The following KLHL23 variants were observed in gnomAD, a reference collection of about 807,000 sequenced individuals.
The protein encoded by KLHL23 is kelch like family member 23.
A neutral mutation model predicts 48.9 loss-of-function variants in KLHL23; 33 were observed. The ratio of observed to expected loss-of-function variants is 0.67; its 90% confidence interval spans 0.51 to 0.90. KLHL23 has a LOEUF of 0.90. KLHL23 is among the 40% of genes least tolerant of loss of function. The pLI is 0.00. For synonymous variants in KLHL23, 234 were observed against 231.6 expected (o/e 1.01, Z -0.09); for missense variants, 608 against 669.6 (o/e 0.91, Z 1.02).
At chr2:169,737,672 TG>T (rs1688551681) in intron 2 of KLHL23, among the ~76,000 whole-genome samples, 1 of 151,638 alleles carries the variant, frequency 6.6e-6, no homozygotes, top group South Asian at 2.1e-4. Context: ...TGGAATGCAG[TG>T]GCGTGATCTT....
At position 169,735,934 on chromosome 2, in the gene KLHL23, A is replaced by C. The variant is rs1056123129; in HGVS notation, c.920A>C (p.Asp307Ala). ...NVWIQGAEIP[D>A]YTRESYGVTC... ...TGGATTCAGGGAGCAGAAATACCAG[A>C]TTATACCAGGGAGAGCTATGGTGTT... is the stretch of plus-strand genomic sequence containing the variant. Residue 307 changes from aspartate to alanine, a missense_variant, in exon 2 of 4, where the codon GAT becomes GCT. This residue lies in a region of KLHL23 where 419 missense variants were observed against 473.1 expected (regional missense o/e 0.89). Transcript: ENST00000392647. This position sits in a 1 kb window ranked among gnomAD's most constrained non-coding sequence, Gnocchi z 4.5. 2 of 1,614,054 alleles carry C rather than the reference A, an allele frequency of 1.2e-6. No homozygotes were observed. Among genetic ancestry groups the C allele is most frequent in the Non-Finnish European group, 1.7e-6 (2 of 1,180,056 alleles).
At chr2:169,737,595 C>T (rs73020383) in intron 2 of KLHL23, among the ~76,000 whole-genome samples, 23,909 of 151,556 alleles carry the variant, frequency 0.16, 1,921 homozygotes, top group Middle Eastern at 0.23. Flanking sequence ...TTTTGTGGTT[C>T]AGAGTATATT....
In KLHL23 at chr2:169,735,863, G is replaced by T; in HGVS notation, c.849G>T (p.Trp283Cys). ...TGTATATAATTGGAGGCTATTACTG[G>T]CATCCTTTATCAGAGGTTCACATAT... ...ATMYIIGGYY[W>C]HPLSEVHIWD... The change falls in exon 2 of 4, where the codon TGG becomes TGT. Residue 283 changes from tryptophan (W) to cysteine (C), a missense_variant. Around this residue, in one of 3 missense-constraint regions of KLHL23, gnomAD observed 419 missense variants for 473.1 expected, o/e 0.89. Transcript: ENST00000392647. This position sits in a 1 kb window ranked among gnomAD's most constrained non-coding sequence, Gnocchi z 4.5. 6.2e-7 allele frequency: 1 copy of T among 1,614,072 alleles called. No homozygotes were observed.
At position 169,736,030 on chromosome 2, in the gene KLHL23, T is replaced by G; in HGVS notation, c.1016T>G (p.Val339Gly). ...RTDNIEALDT[V>G]WIYNSESDEW... is the part of the protein sequence containing the mutation. ...GATAACATAGAAGCTCTTGACACAG[T>G]GTGGATCTATAACAGTGAAAGTGAT... The change falls in exon 2 of 4, where the codon GTG (valine) becomes GGG (glycine). Residue 339 changes from valine (V) to glycine (G), a missense_variant. Val to Gly is a moderately radical substitution (Grantham distance 109, BLOSUM62 -3). This residue lies in a region of KLHL23 where 419 missense variants were observed against 473.1 expected (regional missense o/e 0.89). Coordinates refer to ENST00000392647, the MANE Select transcript of KLHL23 (RefSeq NM_144711.6). 1 of 1,614,148 alleles carries G rather than the reference T, an allele frequency of 6.2e-7. No individual in the cohort carries two copies. Among genetic ancestry groups the G allele is most frequent in the Non-Finnish European group, 8.5e-7 (1 of 1,180,030 alleles).
chr2:169,733,885 G>C lies in KLHL23; in HGVS notation c.-205G>C, dbSNP rs1281187367. On this transcript the variant is annotated 5_prime_UTR_variant, in exon 1 of 4. Coordinates refer to ENST00000392647, the MANE Select transcript of KLHL23 (RefSeq NM_144711.6). ...GGGGAGTTCCCGCGAGTGGCCTCGC[G>C]CCCAGACCGTGCGGGGGGCTGTTCG... The C allele has an allele frequency of 1.3e-5, 2 of 152,220 alleles. No homozygotes were observed. Among genetic ancestry groups the C allele is most frequent in the Non-Finnish European group, 2.9e-5 (2 of 68,158 alleles). The allele number at this position is 152,220 out of a possible 1,614,324, so 9.4% of individuals were successfully genotyped here.
chr2:169,749,661 A>T lies in KLHL23; in HGVS notation c.1606A>T (p.Lys536Ter). The T allele has an allele frequency of 1.2e-6, 2 of 1,614,042 alleles. No individual in the cohort carries two copies. Among genetic ancestry groups the T allele is most frequent in the Non-Finnish European group, 1.7e-6 (2 of 1,179,964 alleles). The change falls in exon 4 of 4, where the codon AAG becomes TAG. Residue 536 changes from lysine (K) to a stop codon, truncating the protein, a stop_gained. Coordinates refer to ENST00000392647, the MANE Select transcript of KLHL23 (RefSeq NM_144711.6). LOFTEE classifies it high-confidence loss of function. ...SIEKYDPDLN[K>*]WEIVGNLPSA... ...TGAGAAATATGATCCAGATCTTAAT[A>T]AGTGGGAAATAGTGGGTAATCTTCC... is the stretch of plus-strand genomic sequence containing the variant.
At chr2:169,737,894 G>T (rs867848156) in intron 2 of KLHL23, among the ~76,000 whole-genome samples, 3 of 151,874 alleles carry the variant, frequency 2.0e-5, no homozygotes, top group Non-Finnish European at 4.4e-5. Context: ...GGATTACAAG[G>T]GTGGGTTCAG....
intron 1 of KLHL23, among the ~76,000 whole-genome samples, chr2:169,734,381 G>A (rs551240671): frequency 1.9e-3 from 288 of 149,352 alleles, no homozygotes; most frequent in African/African-American, 6.0e-3. Context: ...CTGGCCCCGG[G>A]GCGGGGCGGT....
intron 3 of KLHL23, among the ~76,000 whole-genome samples, 156 bp from the exon 4 acceptor site, chr2:169,749,266 C>T (rs892577327): frequency 6.6e-6 from 1 of 152,162 alleles, no homozygotes; most frequent in Non-Finnish European, 1.5e-5. Context: ...GATTTTCAGC[C>T]TCAGCGTTGC....
chr2:169,734,627 G>A (rs1688469046), intron 1 of KLHL23, among the ~76,000 whole-genome samples: 1 of 152,340 alleles, frequency 6.6e-6, no homozygotes, highest in Non-Finnish European at 1.5e-5. Context: ...CGAGCTTGGG[G>A]AAAAGGTTGA....
At chr2:169,737,894 G>C (rs867848156) in intron 2 of KLHL23, among the ~76,000 whole-genome samples, 35 of 151,874 alleles carry the variant, frequency 2.3e-4, no homozygotes, top group Middle Eastern at 6.8e-3. Context: ...GGATTACAAG[G>C]GTGGGTTCAG....
Position 169,749,525 on chromosome 2 carries a change from G to A in KLHL23, c.1470G>A (p.Glu490=). Residue 490 remains glutamate (E), a synonymous_variant, in exon 4 of 4, where the codon GAG becomes GAA. Coordinates refer to ENST00000392647, the MANE Select transcript of KLHL23 (RefSeq NM_144711.6). ...CYDPEQNEWR[E]IAPMMERRME... is the part of the protein sequence containing the mutation. ...ACCCTGAACAAAATGAATGGAGAGA[G>A]ATAGCTCCCATGATGGAAAGGAGGA... 1 of 1,614,108 alleles carries A rather than the reference G, an allele frequency of 6.2e-7. No homozygotes were observed. The highest frequency in any genetic ancestry group is 8.5e-7 in the Non-Finnish European group (1 of 1,180,024).
chr2:169,740,789 T>C (rs1276133860), intron 2 of KLHL23, among the ~76,000 whole-genome samples: 3 of 144,772 alleles, frequency 2.1e-5, no homozygotes, highest in African/African-American at 7.7e-5. Flanking sequence ...TATATATATA[T>C]ATAACTTATT....
At chr2:169,743,126 T>C (rs1252738055) in intron 3 of KLHL23, among the ~76,000 whole-genome samples, 1 of 152,222 alleles carries the variant, frequency 6.6e-6, no homozygotes, top group African/African-American at 2.4e-5. Flanking sequence ...AGAAGTTAGA[T>C]GTTACTCTGC....
At chr2:169,748,002 T>C (rs1348584505) in intron 3 of KLHL23, among the ~76,000 whole-genome samples, 3 of 152,178 alleles carry the variant, frequency 2.0e-5, no homozygotes, top group Non-Finnish European at 4.4e-5. Context: ...TGTGTACCTA[T>C]AGTCCCAGCT....
intron 2 of KLHL23, 50 bp downstream of exon 2, chr2:169,736,277 G>A (rs1291605339): frequency 3.3e-6 from 5 of 1,531,232 alleles, no homozygotes; most frequent in East Asian, 4.5e-5. Flanking sequence ...CTGGAGCTAG[G>A]CCAGCAGTCT....
chr2:169,736,860 C>T (rs1249476681), intron 2 of KLHL23, among the ~76,000 whole-genome samples: 2 of 152,200 alleles, frequency 1.3e-5, no homozygotes, highest in Non-Finnish European at 2.9e-5. Flanking sequence ...AGGAGTTGTA[C>T]AAAAACAACT....
In KLHL23 at chr2:169,735,476, A is replaced by G. The variant is rs770482935; in HGVS notation, c.462A>G (p.Leu154=). 15 of 1,613,968 alleles carry G rather than the reference A, an allele frequency of 9.3e-6. No individual in the cohort carries two copies. ...CAGAATTTCATGTGTGTCCAGAACTAGAGAAGGAATCTCGAAGAATTCTAT... is the reference window on the plus strand; with the variant it reads ...CAGAATTTCATGTGTGTCCAGAACTGGAGAAGGAATCTCGAAGAATTCTAT... ...SFAEFHVCPE[L]EKESRRILCS... The change falls in exon 2 of 4, where the codon CTA becomes CTG. Residue 154 remains leucine (L), a synonymous_variant. Coordinates refer to ENST00000392647, the MANE Select transcript of KLHL23 (RefSeq NM_144711.6). The surrounding 1 kb of genome is among the most constrained non-coding windows in gnomAD (Gnocchi z 4.5).
Position 169,749,690 on chromosome 2 carries a change from T to G in KLHL23, c.1635T>G (p.Ser545Arg), listed in dbSNP as rs1341623360. 2 of 1,612,590 alleles carry G rather than the reference T, an allele frequency of 1.2e-6. No homozygotes were observed. The highest frequency in any genetic ancestry group is 2.2e-5 in the South Asian group (2 of 91,044). The stretch of plus-strand genomic sequence containing the variant: ...GGGAAATAGTGGGTAATCTTCCCAG[T>G]GCCATGCGGTCTCATGGGTGTGTTT... ...NKWEIVGNLP[S>R]AMRSHGCVCV... Residue 545 changes from serine to arginine, a missense_variant, in exon 4 of 4, where the codon AGT becomes AGG. By Grantham distance (110) the Ser-to-Arg change is moderately radical. This residue lies in a region of KLHL23 where 179 missense variants were observed against 169.9 expected (regional missense o/e 1.05). Transcript: ENST00000392647.
Sources: gnomAD v4.1 joint callset for allele counts (sites outside exome capture counted in the v4.1 genomes callset) on GRCh38, gnomAD v4.1.1 for gene constraint, gnomAD v4.1.1 regional missense constraint, Gnocchi (gnomAD v3.1) non-coding constraint, MANE v1.5 for transcripts, NCBI Gene and HGNC (gene_info 2026-07-23, HGNC 2026-07-21) for gene names.